The following SIPA1L2 variants were observed in gnomAD, a reference collection of about 807,000 sequenced individuals.
SIPA1L2 encodes the protein signal-induced proliferation-associated 1-like protein 2.
SIPA1L2 carries 56 observed loss-of-function variants against 163.9 expected under a neutral mutation model. That is an observed-to-expected ratio of 0.34 (90% confidence interval 0.28 to 0.43). The LOEUF is 0.43. SIPA1L2 is among the 20% of genes least tolerant of loss of function. The pLI is 1.00. For missense variants in SIPA1L2, 1,974 were observed against 2,193.5 expected (o/e 0.90, Z 2.00); for synonymous variants, 877 against 865.7 (o/e 1.01, Z -0.23).
intron 19 of SIPA1L2, among the ~76,000 whole-genome samples, chr1:232,410,876 T>C (rs755830609): frequency 2.9e-4 from 44 of 152,232 alleles, no homozygotes; most frequent in Non-Finnish European, 5.7e-4. Context: ...TGAGATCCAC[T>C]TGGGGCCAGA....
chr1:232,549,433 G>C (rs558614258), intron 2 of SIPA1L2, among the ~76,000 whole-genome samples: 92 of 152,266 alleles, frequency 6.0e-4, no homozygotes, highest in Admixed American at 2.1e-3. Context: ...TTGTAGAAAA[G>C]GTATATAGAA....
At chr1:232,429,661 T>C (rs1662111033) in intron 16 of SIPA1L2, among the ~76,000 whole-genome samples, 1 of 149,698 alleles carries the variant, frequency 6.7e-6, no homozygotes, top group Admixed American at 6.7e-5. Context: ...ACTGAAGATT[T>C]AGTTGGTTTG....
intron 9 of SIPA1L2, chr1:232,462,303 T>C (rs1664281933): frequency 6.5e-7 from 1 of 1,549,080 alleles, no homozygotes; most frequent in African/African-American, 1.4e-5. Context: ...ATCATACTCC[T>C]ATCCCCAAAA....
intron 19 of SIPA1L2, among the ~76,000 whole-genome samples, chr1:232,411,282 C>A (rs1660940934): frequency 6.6e-6 from 1 of 152,058 alleles, no homozygotes; most frequent in African/African-American, 2.4e-5. Context: ...AGTGCAAGAC[C>A]CCAAAAGATC....
At chr1:232,627,617 CCCTTATTAGACTAAAAGTTA>C (rs1410655233) in intron 1 of SIPA1L2, among the ~76,000 whole-genome samples, 1 of 152,044 alleles carries the variant, frequency 6.6e-6, no homozygotes, top group Admixed American at 6.5e-5. Flanking sequence ...TCTGATAATT[CCCTTATTAGACTAAAAGTTA>C]CATTCCATAC....
rs1471445524 is a variant in SIPA1L2 at position 232,399,126 on chromosome 1, G to A, written c.*1C>T. ...TGGTCCCTTGATGAGGTGCGGATTG[G>A]CTAAGATTTTTTGTCGATGGTGGTG... On this transcript the variant is annotated 3_prime_UTR_variant, in exon 23 of 23. Coordinates refer to ENST00000674635, the MANE Select transcript of SIPA1L2 (RefSeq NM_020808.5). 6.2e-7 allele frequency: 1 copy of A among 1,613,914 alleles called. No homozygotes were observed. The highest frequency in any genetic ancestry group is 1.3e-5 in the African/African-American group (1 of 74,886).
chr1:232,513,240 G>A (rs1667063614), intron 3 of SIPA1L2, among the ~76,000 whole-genome samples: 1 of 152,180 alleles, frequency 6.6e-6, no homozygotes, highest in Non-Finnish European at 1.5e-5. Flanking sequence ...CATCCTTCAA[G>A]CCTGAAGATA....
At chr1:232,497,386 A>T (rs1191356401) in intron 3 of SIPA1L2, among the ~76,000 whole-genome samples, 1 of 142,184 alleles carries the variant, frequency 7.0e-6, no homozygotes, top group Admixed American at 7.5e-5. Flanking sequence ...GGTCCTTGCA[A>T]ATGGACCGGG....
At chr1:232,567,656 A>AAT (rs926645058) in intron 2 of SIPA1L2, among the ~76,000 whole-genome samples, 4 of 152,188 alleles carry the variant, frequency 2.6e-5, no homozygotes, top group Non-Finnish European at 5.9e-5. Context: ...GATAGTGTAA[A>AAT]ATATATATTT....
chr1:232,428,436 G>A lies in SIPA1L2; in HGVS notation c.4385C>T (p.Pro1462Leu). Residue 1462 changes from proline (P) to leucine (L), a missense_variant, in exon 17 of 23, where the codon CCC becomes CTC. This residue lies in a region of SIPA1L2 where 1,079 missense variants were observed against 1,150.7 expected (regional missense o/e 0.94). Coordinates refer to ENST00000674635, the MANE Select transcript of SIPA1L2 (RefSeq NM_020808.5). ...CTTTCTTCGCCCCTCCTCCACTAAG[G>A]GGCTGTCAGGAAGCATCAATTTCAG... ...DFLKLMLPDSPLVEEGRRKFS... is the reference protein window; with the variant it reads ...DFLKLMLPDSLLVEEGRRKFS... 1 of 1,577,020 alleles carries A rather than the reference G, an allele frequency of 6.3e-7. No homozygotes were observed. Among genetic ancestry groups the A allele is most frequent in the South Asian group, 1.2e-5 (1 of 85,290 alleles).
intron 8 of SIPA1L2, among the ~76,000 whole-genome samples, chr1:232,470,829 C>T (rs186570177): frequency 6.6e-6 from 1 of 152,140 alleles, no homozygotes; most frequent in East Asian, 1.9e-4. Flanking sequence ...ACCAATACCC[C>T]ACATGATATG....
At chr1:232,528,028 C>A (rs1176346331) in intron 2 of SIPA1L2, among the ~76,000 whole-genome samples, 1 of 146,940 alleles carries the variant, frequency 6.8e-6, no homozygotes, top group African/African-American at 2.6e-5. Flanking sequence ...CTGAGACAAA[C>A]AGAACACCCA....
intron 15 of SIPA1L2, among the ~76,000 whole-genome samples, chr1:232,438,032 G>A (rs1191460772): frequency 6.6e-6 from 1 of 152,028 alleles, no homozygotes; most frequent in African/African-American, 2.4e-5. Context: ...TGACCCTGGT[G>A]GCATGAACCA....
intron 2 of SIPA1L2, among the ~76,000 whole-genome samples, chr1:232,560,587 AG>A (rs1384123561): frequency 6.6e-5 from 10 of 152,208 alleles, no homozygotes; most frequent in African/African-American, 2.2e-4. Flanking sequence ...CTTGCCCAGC[AG>A]GGAGGCCCTC....
At chr1:232,410,986 T>G (rs934811383) in intron 19 of SIPA1L2, among the ~76,000 whole-genome samples, 1 of 152,136 alleles carries the variant, frequency 6.6e-6, no homozygotes, top group African/African-American at 2.4e-5. Flanking sequence ...GTGCATCATC[T>G]TATACCATTA....
At chr1:232,603,358 G>C (rs1342472705) in intron 1 of SIPA1L2, among the ~76,000 whole-genome samples, 1 of 150,560 alleles carries the variant, frequency 6.6e-6, no homozygotes, top group Non-Finnish European at 1.5e-5. Context: ...AGGTGTGATC[G>C]ATCATGCAAA....
In SIPA1L2 at chr1:232,478,503, T is replaced by C. The variant is rs929920517; in HGVS notation, c.2085+1124A>G. Among the ~76,000 whole-genome samples, 5 of 152,188 alleles carry C rather than the reference T, an allele frequency of 3.3e-5. No homozygotes were observed. In the South Asian group the frequency reaches 1.0e-3, roughly 31 times the overall value. On this transcript the variant is annotated intron_variant, in intron 7 of 22. Transcript: ENST00000674635. ...AAAAAATGCAGAATTAGACTAAATTTATATACTTTTATGAGTCTTTTTTAA... is the reference window on the plus strand; with the variant it reads ...AAAAAATGCAGAATTAGACTAAATTCATATACTTTTATGAGTCTTTTTTAA...
At chr1:232,468,257 T>C (rs2102938780) in intron 8 of SIPA1L2, among the ~76,000 whole-genome samples, 1 of 152,356 alleles carries the variant, frequency 6.6e-6, no homozygotes, top group East Asian at 1.9e-4. Flanking sequence ...CTCGATAGCA[T>C]TTATTAATGA....
intron 1 of SIPA1L2, among the ~76,000 whole-genome samples, chr1:232,627,810 T>A (rs977518302): frequency 2.0e-5 from 3 of 152,238 alleles, no homozygotes; most frequent in Non-Finnish European, 4.4e-5. Flanking sequence ...ATCAAGTGCT[T>A]ACACTGCTTC....
Sources: allele counts gnomAD v4.1 joint callset (sites outside exome capture counted in the v4.1 genomes callset), GRCh38; gene constraint gnomAD v4.1.1; regional missense constraint gnomAD v4.1.1; transcripts MANE v1.5; gene names NCBI Gene and HGNC (gene_info 2026-07-23, HGNC 2026-07-21).